SLC25A26: variants seen among roughly 807,000 people sequenced by gnomAD.
The protein encoded by SLC25A26 is mitochondrial S-adenosylmethionine carrier protein.
Under a neutral mutation model 37.8 loss-of-function variants are expected in SLC25A26, and 36 were observed. The observed-to-expected ratio is 0.95, with a 90% confidence interval of 0.73 to 1.26. The LOEUF (loss-of-function observed/expected upper bound fraction) is 1.26. SLC25A26 is among the 50% of genes most tolerant of loss of function. The pLI is 0.00. For synonymous variants in SLC25A26, 129 were observed against 122.5 expected (o/e 1.05, Z -0.35); for missense variants, 390 against 331.1 (o/e 1.18, Z -1.38).
At position 66,209,898 on chromosome 3, in the gene SLC25A26, T is replaced by TTTTATATATATATA. The variant is rs1553656263; in HGVS notation, c.-353-10843_-353-10842insTTATATATATATAT. On this transcript the variant is annotated intron_variant, in intron 1 of 10. Coordinates refer to the SLC25A26 transcript ENST00000676754. ...TATACTCCTCTCTCTCTCTCTCTAT[T>TTTTATATATATATA]TATATATATATATATATATATATAT... is the stretch of plus-strand genomic sequence containing the variant. Among the ~76,000 whole-genome samples the TTTTATATATATATA allele has an allele frequency of 2.2e-3, 84 of 38,606 alleles. 3 individuals are homozygous for TTTTATATATATATA. Among genetic ancestry groups the TTTTATATATATATA allele is most frequent in the South Asian group, 4.8e-3 (4 of 830 alleles). The allele number at this position is 38,606 out of a possible 152,430, so 25.3% of individuals were successfully genotyped here.
Position 66,203,679 on chromosome 3 carries a change from A to C in SLC25A26, c.-353-17063A>C, listed in dbSNP as rs977596028. ...TCCCTTATGTCTAGAGAAAAAAAGA[A>C]AAGACTGCTTACTTTAAAGATGCTA... On this transcript the variant is annotated intron_variant, in intron 1 of 10. Coordinates refer to the SLC25A26 transcript ENST00000676754. 1.3e-3 allele frequency among the ~76,000 whole-genome samples: 202 copies of C among 152,320 alleles called. 1 individual carries two copies. Among genetic ancestry groups the C allele is most frequent in the African/African-American group, 4.6e-3 (193 of 41,574 alleles).
At chr3:66,359,216 C>G (rs1256575405) in intron 6 of SLC25A26, among the ~76,000 whole-genome samples, 1 of 152,154 alleles carries the variant, frequency 6.6e-6, no homozygotes, top group Non-Finnish European at 1.5e-5. Context: ...CAATTTTTTT[C>G]TCCCTAGATT....
intron 5 of SLC25A26, among the ~76,000 whole-genome samples, chr3:66,307,645 T>C (rs1159459401): frequency 6.6e-6 from 1 of 152,182 alleles, no homozygotes; most frequent in Non-Finnish European, 1.5e-5. Context: ...AGGTCTTACG[T>C]TTAAGTCTTA....
intron 5 of SLC25A26, among the ~76,000 whole-genome samples, chr3:66,311,647 C>T (rs972425881): frequency 5.9e-5 from 9 of 151,960 alleles, no homozygotes; most frequent in Admixed American, 3.9e-4. Flanking sequence ...TGATCTTTGA[C>T]GCGGATGACT....
At chr3:66,331,944 G>A (rs2075984099) in intron 5 of SLC25A26, among the ~76,000 whole-genome samples, 1 of 151,760 alleles carries the variant, frequency 6.6e-6, no homozygotes, top group Non-Finnish European at 1.5e-5. Flanking sequence ...TTGTTTGTTT[G>A]TTTTTGAGAC....
At chr3:66,152,447 C>T (rs2070221591) in intron 1 of SLC25A26, among the ~76,000 whole-genome samples, 1 of 152,172 alleles carries the variant, frequency 6.6e-6, no homozygotes, top group Non-Finnish European at 1.5e-5. Flanking sequence ...GATTGGAATT[C>T]AGACACAATT....
intron 5 of SLC25A26, among the ~76,000 whole-genome samples, chr3:66,279,359 G>C (rs911655192): frequency 6.6e-6 from 1 of 152,164 alleles, no homozygotes; most frequent in African/African-American, 2.4e-5. Flanking sequence ...GTTCAGACCA[G>C]GGCTTTGTGG....
At chr3:66,276,827 T>C (rs944747246) in intron 5 of SLC25A26, among the ~76,000 whole-genome samples, 4 of 151,968 alleles carry the variant, frequency 2.6e-5, no homozygotes, top group Non-Finnish European at 5.9e-5. Flanking sequence ...CTCTGCTTTT[T>C]GTTATTCAAC....
intron 6 of SLC25A26, among the ~76,000 whole-genome samples, chr3:66,352,294 G>A (rs1251354384): frequency 6.6e-6 from 1 of 152,108 alleles, no homozygotes; most frequent in African/African-American, 2.4e-5. Flanking sequence ...TAAACCCAGA[G>A]CTTAAGCTCT....
At chr3:66,320,299 C>T (rs2075660698) in intron 5 of SLC25A26, among the ~76,000 whole-genome samples, 1 of 152,116 alleles carries the variant, frequency 6.6e-6, no homozygotes. Flanking sequence ...ACTTCTAATC[C>T]ACTTTATGTC....
At chr3:66,181,780 C>CTTTTTTTTT (rs922019884) in intron 1 of SLC25A26, among the ~76,000 whole-genome samples, 1 of 97,064 alleles carries the variant, frequency 1.0e-5, no homozygotes, top group African/African-American at 4.1e-5. Context: ...CTCCCCTTGT[C>CTTTTTTTTT]TTTTTTTTTT....
At chr3:66,134,358 C>A (rs2069915376) in intron 1 of SLC25A26, among the ~76,000 whole-genome samples, 1 of 152,184 alleles carries the variant, frequency 6.6e-6, no homozygotes, top group South Asian at 2.1e-4. Context: ...TTGCTGGGTT[C>A]ACTAAGTTTA....
intron 1 of SLC25A26, among the ~76,000 whole-genome samples, chr3:66,178,593 A>G (rs1335284602): frequency 6.6e-6 from 1 of 152,088 alleles, no homozygotes; most frequent in African/African-American, 2.4e-5. Flanking sequence ...AAGAGCATAC[A>G]AGTCCTTATC....
intron 7 of SLC25A26, among the ~76,000 whole-genome samples, chr3:66,365,775 G>A (rs185201742): frequency 1.4e-4 from 22 of 152,308 alleles, no homozygotes; most frequent in Admixed American, 1.4e-3. Context: ...TGATGGGGAA[G>A]TCTTCCACAT....
intron 1 of SLC25A26, among the ~76,000 whole-genome samples, chr3:66,180,982 A>T (rs948908236): frequency 1.3e-5 from 2 of 152,212 alleles, no homozygotes; most frequent in African/African-American, 4.8e-5. Flanking sequence ...GAAAAAGGCC[A>T]TGGGAGGACA....
At chr3:66,363,695 A>C (rs1052082000) in intron 7 of SLC25A26, among the ~76,000 whole-genome samples, 5 of 152,224 alleles carry the variant, frequency 3.3e-5, no homozygotes, top group African/African-American at 4.8e-5. Context: ...TGAGATGTGA[A>C]GCCAGTAGGG....
chr3:66,272,591 T>C (rs1433143754), intron 5 of SLC25A26, among the ~76,000 whole-genome samples: 1 of 152,086 alleles, frequency 6.6e-6, no homozygotes, highest in African/African-American at 2.4e-5. Context: ...AGGTGTTAGT[T>C]TACATGCCCC....
chr3:66,168,007 G>A (rs2070447459), intron 1 of SLC25A26, among the ~76,000 whole-genome samples: 1 of 151,734 alleles, frequency 6.6e-6, no homozygotes, highest in Non-Finnish European at 1.5e-5. Flanking sequence ...TACAAAATTA[G>A]CCAGGCATGG....
intron 1 of SLC25A26, among the ~76,000 whole-genome samples, chr3:66,141,680 T>A (rs1321155602): frequency 1.3e-5 from 2 of 152,102 alleles, no homozygotes; most frequent in Non-Finnish European, 2.9e-5. Flanking sequence ...ACCCAGCTGA[T>A]TTTTGTATTT....
Sources: allele counts gnomAD v4.1 joint callset (sites outside exome capture counted in the v4.1 genomes callset), GRCh38; gene constraint gnomAD v4.1.1; transcripts MANE v1.5; gene names NCBI Gene and HGNC (gene_info 2026-07-23, HGNC 2026-07-21).